The following SGCZ variants were observed in gnomAD, a reference collection of about 807,000 sequenced individuals.
SGCZ encodes zeta-sarcoglycan.
A neutral mutation model predicts 41.3 loss-of-function variants in SGCZ; 40 were observed. That is an observed-to-expected ratio of 0.97 (90% CI 0.75 to 1.26). The LOEUF (loss-of-function observed/expected upper bound fraction) is 1.26, where lower values mean the gene tolerates loss of function less well. Among genes scored for constraint, SGCZ ranks in the 50% most tolerant of loss-of-function variants. The pLI, the probability that SGCZ is intolerant of heterozygous loss-of-function variation, is 0.00. For synonymous variants in SGCZ, 206 were observed against 137.5 expected (o/e 1.50, Z -3.49); for missense variants, 552 against 369.8 (o/e 1.49, Z -4.04).
intron 1 of SGCZ, among the ~76,000 whole-genome samples, chr8:15,072,582 A>G (rs1416550951): frequency 1.3e-5 from 2 of 152,184 alleles, no homozygotes; most frequent in Non-Finnish European, 2.9e-5. Context: ...TAAGCTGTGT[A>G]GAAATTGGAT....
At chr8:14,326,757 G>C (rs1005272288) in intron 2 of SGCZ, among the ~76,000 whole-genome samples, 7 of 152,010 alleles carry the variant, frequency 4.6e-5, no homozygotes, top group African/African-American at 1.7e-4. Context: ...TCTGAGAAAG[G>C]GCTGATTTAC....
chr8:14,296,648 A>G (rs1485000072), intron 3 of SGCZ, among the ~76,000 whole-genome samples: 1 of 152,166 alleles, frequency 6.6e-6, no homozygotes, highest in Admixed American at 6.5e-5. Context: ...TGTTAATTCA[A>G]GGTAGACTAG....
intron 1 of SGCZ, among the ~76,000 whole-genome samples, chr8:14,564,542 G>GGCACT (rs1804301112): frequency 4.6e-5 from 7 of 152,090 alleles, no homozygotes; most frequent in Non-Finnish European, 1.0e-4. Context: ...TCTGGGAGTA[G>GGCACT]AAAAGGAGGA....
intron 1 of SGCZ, among the ~76,000 whole-genome samples, chr8:14,937,643 T>C (rs1383408): frequency 0.27 from 40,878 of 151,988 alleles, 5,569 homozygotes; most frequent in East Asian, 0.35. Flanking sequence ...ATTTTTATTA[T>C]GAAAATCTCT....
chr8:14,551,575 TATATAATATATATA>T (rs1803857905), intron 2 of SGCZ, among the ~76,000 whole-genome samples: 1 of 23,860 alleles, frequency 4.2e-5, no homozygotes, highest in East Asian at 1.6e-3. Flanking sequence ...ATATAATATA[TATATAATATATATA>T]ATATATATTA....
intron 5 of SGCZ, among the ~76,000 whole-genome samples, chr8:14,149,534 G>A (rs116039154): frequency 0.019 from 2,826 of 151,374 alleles, 86 homozygotes; most frequent in African/African-American, 0.064. Context: ...GCCAAAAAAT[G>A]AAAATAAATA....
chr8:15,143,730 T>C (rs1798961822), intron 1 of SGCZ, among the ~76,000 whole-genome samples: 1 of 152,234 alleles, frequency 6.6e-6, no homozygotes, highest in Non-Finnish European at 1.5e-5. Context: ...ATTTAGTTAT[T>C]GTAATTGCTT....
At chr8:15,128,639 A>C (rs755847738) in intron 1 of SGCZ, among the ~76,000 whole-genome samples, 1 of 152,194 alleles carries the variant, frequency 6.6e-6, no homozygotes, top group Non-Finnish European at 1.5e-5. Flanking sequence ...GTATAAGTTA[A>C]TAAATCCTCC....
chr8:14,110,999 A>T (rs1003272943), intron 5 of SGCZ, among the ~76,000 whole-genome samples: 9 of 152,072 alleles, frequency 5.9e-5, no homozygotes, highest in Admixed American at 3.9e-4. Flanking sequence ...GGTTGCAGTG[A>T]GCTGAGATTG....
chr8:14,794,821 G>A (rs575549807), intron 1 of SGCZ, among the ~76,000 whole-genome samples: 64 of 152,282 alleles, frequency 4.2e-4, no homozygotes, highest in African/African-American at 1.5e-3. Flanking sequence ...AGTCAGCATT[G>A]AAATGCCCTC....
chr8:14,772,252 G>A (rs1295687294), intron 1 of SGCZ, among the ~76,000 whole-genome samples: 1 of 152,078 alleles, frequency 6.6e-6, no homozygotes, highest in Non-Finnish European at 1.5e-5. Flanking sequence ...TGTATTAAAT[G>A]CATTTAAACT....
chr8:15,137,608 A>G (rs1253036311), intron 1 of SGCZ, among the ~76,000 whole-genome samples: 5 of 152,076 alleles, frequency 3.3e-5, no homozygotes, highest in Non-Finnish European at 7.4e-5. Flanking sequence ...CTAAAAGGGG[A>G]CAAGGTACAG....
chr8:14,881,311 A>G (rs1445508419), intron 1 of SGCZ, among the ~76,000 whole-genome samples: 1 of 152,126 alleles, frequency 6.6e-6, no homozygotes, highest in Non-Finnish European at 1.5e-5. Flanking sequence ...TATTTACTTT[A>G]AAGAGGCTTT....
intron 1 of SGCZ, among the ~76,000 whole-genome samples, chr8:14,578,102 T>C (rs1448380491): frequency 6.6e-6 from 1 of 152,160 alleles, no homozygotes; most frequent in South Asian, 2.1e-4. Flanking sequence ...GCCTATTTTA[T>C]CAAAGTTGGG....
chr8:14,654,253 C>G (rs1485139715), intron 1 of SGCZ, among the ~76,000 whole-genome samples: 20 of 151,762 alleles, frequency 1.3e-4, no homozygotes, highest in Non-Finnish European at 1.2e-4. Flanking sequence ...AAAAGGATAT[C>G]CATTGCATGG....
At chr8:14,291,480 C>A (rs950200689) in intron 3 of SGCZ, among the ~76,000 whole-genome samples, 4 of 151,862 alleles carry the variant, frequency 2.6e-5, no homozygotes, top group Non-Finnish European at 5.9e-5. Context: ...TTTATTTGTG[C>A]ACTTTTATGC....
chr8:15,025,317 G>A (rs1043494458), intron 1 of SGCZ, among the ~76,000 whole-genome samples: 4 of 151,992 alleles, frequency 2.6e-5, no homozygotes, highest in African/African-American at 7.3e-5. Context: ...TTGAGACAAG[G>A]GAGACACATG....
intron 1 of SGCZ, among the ~76,000 whole-genome samples, chr8:15,072,500 A>G (rs941192540): frequency 2.0e-5 from 3 of 152,182 alleles, no homozygotes; most frequent in African/African-American, 4.8e-5. Flanking sequence ...TGCCTTAAAT[A>G]TAAAGCCCAT....
At chr8:14,106,695 G>T (rs1205729385) in intron 6 of SGCZ, among the ~76,000 whole-genome samples, 1 of 152,154 alleles carries the variant, frequency 6.6e-6, no homozygotes, top group Non-Finnish European at 1.5e-5. Flanking sequence ...AAATAAAAAG[G>T]TTTTGTAACT....
Sources: allele counts gnomAD v4.1 joint callset (sites outside exome capture counted in the v4.1 genomes callset), GRCh38; gene constraint gnomAD v4.1.1; transcripts MANE v1.5; gene names NCBI Gene and HGNC (gene_info 2026-07-23, HGNC 2026-07-21).